The following RBFOX1 variants were observed in gnomAD, a reference collection of about 807,000 sequenced individuals.
RBFOX1 encodes the protein RNA binding fox-1 homolog 1.
A neutral mutation model predicts 57.7 loss-of-function variants in RBFOX1; 8 were observed. The observed-to-expected ratio is 0.14, with a 90% CI of 0.08 to 0.25. RBFOX1 has a LOEUF of 0.25. Among genes scored for constraint, RBFOX1 ranks in the 10% least tolerant of loss-of-function variants. RBFOX1 has a pLI of 1.00. For missense variants in RBFOX1, 611 were observed against 548.5 expected, an observed-to-expected ratio of 1.11 and a Z score of -1.14; for synonymous variants, 326 against 222.4, an observed-to-expected ratio of 1.47 and a Z score of -4.15.
intron 2 of RBFOX1, among the ~76,000 whole-genome samples, chr16:5,529,953 A>C (rs2044399729): frequency 6.6e-6 from 1 of 152,154 alleles, no homozygotes; most frequent in African/African-American, 2.4e-5. Flanking sequence ...CTCGAGGAAC[A>C]CCAAGAAACC....
At position 6,940,854 on chromosome 16, in the gene RBFOX1, T is replaced by TTA. The variant is rs2078292156; in HGVS notation, c.-15-111203_-15-111202insTA. ...CCTGCCACCATGTCCGGCTAGTCTGTGTGTGTGTGTGTGTGTGTGTGTGTG... is the reference window on the plus strand; with the variant it reads ...CCTGCCACCATGTCCGGCTAGTCTGTTAGTGTGTGTGTGTGTGTGTGTGTGTG... On this transcript the variant is annotated intron_variant, in intron 3 of 15. Transcript: ENST00000550418. Among the ~76,000 whole-genome samples the TTA allele has an allele frequency of 3.1e-5, 3 of 95,612 alleles. No individual in the cohort carries two copies. The East Asian group carries it at 1.0e-3, about 32-fold the overall frequency. 62.7% of individuals were successfully genotyped at this position (95,612 alleles called of 152,430 possible).
chr16:6,139,073 T>A (rs893300109), intron 1 of RBFOX1, among the ~76,000 whole-genome samples: 4 of 152,158 alleles, frequency 2.6e-5, no homozygotes, highest in African/African-American at 9.7e-5. Context: ...GTGTTGTTTT[T>A]ATTACCGCTA....
At chr16:6,595,885 T>C (rs1351660644) in intron 2 of RBFOX1, among the ~76,000 whole-genome samples, 1 of 152,218 alleles carries the variant, frequency 6.6e-6, no homozygotes, top group East Asian at 1.9e-4. Context: ...AAAAAATACT[T>C]CGCCAACTTT....
chr16:5,302,654 A>C (rs911188915), intron 1 of RBFOX1, among the ~76,000 whole-genome samples: 1 of 152,172 alleles, frequency 6.6e-6, no homozygotes, highest in Non-Finnish European at 1.5e-5. Flanking sequence ...TTATAAATTG[A>C]CACCTTAATT....
rs762461044 is a variant in RBFOX1 at position 7,518,150 on chromosome 16, A to G, written c.31A>G (p.Asn11Asp). The change falls in exon 5 of 16, where the codon AAT becomes GAT. Residue 11 changes from asparagine (N) to aspartate (D), a missense_variant. Physicochemically the swap from Asn to Asp is conservative, Grantham distance 23. Coordinates refer to ENST00000550418, the MANE Select transcript of RBFOX1 (RefSeq NM_018723.4). MNCEREQLRG[N>D]QEAAAAPDTM... ...CTGCACCTTTTTGATTTTTCAGGGT[A>G]ATCAGGAAGCAGCCGCTGCCCCTGA... is the stretch of plus-strand genomic sequence containing the variant. 1.2e-6 allele frequency: 2 copies of G among 1,609,598 alleles called. No homozygotes were observed. The highest frequency in any genetic ancestry group is 1.1e-5 in the South Asian group (1 of 90,174).
At chr16:6,977,211 T>C (rs924518176) in intron 3 of RBFOX1, among the ~76,000 whole-genome samples, 1 of 118,672 alleles carries the variant, frequency 8.4e-6, no homozygotes, top group African/African-American at 3.6e-5. Context: ...TTTTATCATA[T>C]ATATTATCAT....
intron 1 of RBFOX1, among the ~76,000 whole-genome samples, chr16:6,177,801 C>G (rs557531455): frequency 9.9e-5 from 15 of 152,132 alleles, no homozygotes; most frequent in Admixed American, 3.9e-4. Flanking sequence ...ATTGTGGACA[C>G]TGCTCACAGG....
intron 3 of RBFOX1, among the ~76,000 whole-genome samples, chr16:6,680,094 C>A (rs1480378936): frequency 6.6e-6 from 1 of 151,812 alleles, no homozygotes; most frequent in Non-Finnish European, 1.5e-5. Flanking sequence ...CAACTTGGAA[C>A]TTCAGTTTTC....
intron 2 of RBFOX1, among the ~76,000 whole-genome samples, chr16:6,654,028 ATGAATGGATAGATGGG>A (rs2098626369): frequency 6.6e-6 from 1 of 150,940 alleles, no homozygotes. Flanking sequence ...GGGTGGGTCA[ATGAATGGATAGATGGG>A]TGGATGGATA....
At chr16:7,592,008 T>G (rs184340625) in intron 7 of RBFOX1, among the ~76,000 whole-genome samples, 1 of 151,904 alleles carries the variant, frequency 6.6e-6, no homozygotes, top group Non-Finnish European at 1.5e-5. Flanking sequence ...CAGGTGAGAA[T>G]TTTGATAACC....
intron 2 of RBFOX1, among the ~76,000 whole-genome samples, chr16:6,611,976 T>C (rs1461480076): frequency 1.3e-5 from 2 of 150,396 alleles, no homozygotes; most frequent in African/African-American, 2.4e-5. Context: ...GTTCCTTCTT[T>C]GGCCTCTCAG....
At chr16:7,678,332 A>C (rs1329670362) in intron 14 of RBFOX1, among the ~76,000 whole-genome samples, 2 of 152,220 alleles carry the variant, frequency 1.3e-5, no homozygotes, top group South Asian at 2.1e-4. Flanking sequence ...AGGGTCAATA[A>C]GACTAATAAA....
At chr16:6,876,999 C>A (rs905232325) in intron 3 of RBFOX1, among the ~76,000 whole-genome samples, 4 of 152,076 alleles carry the variant, frequency 2.6e-5, no homozygotes, top group Non-Finnish European at 5.9e-5. Context: ...AGTGGAGCAA[C>A]AAATGCATAC....
intron 5 of RBFOX1, among the ~76,000 whole-genome samples, chr16:7,555,486 A>G (rs1028623238): frequency 1.3e-5 from 2 of 152,248 alleles, no homozygotes; most frequent in Non-Finnish European, 2.9e-5. Context: ...CCTGTGTACT[A>G]TCTTTGCAAC....
intron 4 of RBFOX1, among the ~76,000 whole-genome samples, chr16:7,375,932 G>T (rs1412299569): frequency 6.6e-6 from 1 of 152,202 alleles, no homozygotes; most frequent in Admixed American, 6.5e-5. Context: ...TAAATGCGAA[G>T]TAAAGGGGAA....
intron 4 of RBFOX1, among the ~76,000 whole-genome samples, chr16:5,881,409 G>C (rs2057759232): frequency 6.6e-6 from 1 of 152,170 alleles, no homozygotes; most frequent in Non-Finnish European, 1.5e-5. Flanking sequence ...TCTGGGTGTG[G>C]TGGCTCACAC....
chr16:6,715,168 C>T (rs751347885), intron 3 of RBFOX1, among the ~76,000 whole-genome samples: 5 of 152,118 alleles, frequency 3.3e-5, no homozygotes. Context: ...CTTTAAGAAA[C>T]CCTCCTCACT....
chr16:5,816,097 G>C (rs540570376), intron 3 of RBFOX1, among the ~76,000 whole-genome samples: 100 of 152,280 alleles, frequency 6.6e-4, no homozygotes, highest in African/African-American at 2.4e-3. Flanking sequence ...GGGGTGCTCT[G>C]GGATGACGGG....
chr16:7,219,580 A>T (rs950941800), intron 4 of RBFOX1, among the ~76,000 whole-genome samples: 5 of 152,194 alleles, frequency 3.3e-5, no homozygotes, highest in Admixed American at 6.5e-5. Context: ...AGAAAATATG[A>T]GGCATAGCTG....
Sources: allele counts gnomAD v4.1 joint callset (sites outside exome capture counted in the v4.1 genomes callset), GRCh38; gene constraint gnomAD v4.1.1; transcripts MANE v1.5; gene names NCBI Gene and HGNC (gene_info 2026-07-23, HGNC 2026-07-21).